The following LTBP1 variants were observed in gnomAD, a reference collection of about 807,000 sequenced individuals.
LTBP1 encodes latent-transforming growth factor beta-binding protein 1.
In LTBP1, 129 loss-of-function variants were observed where a neutral mutation model predicts 207.6. The ratio of observed to expected loss-of-function variants is 0.62; its 90% CI spans 0.54 to 0.72. The LOEUF is 0.72. LTBP1 is among the 30% of genes least tolerant of loss of function. The pLI is 0.00. For missense variants in LTBP1, 2,281 were observed against 2,217.2 expected (o/e 1.03, Z -0.58); for synonymous variants, 963 against 833.7 (o/e 1.16, Z -2.67).
chr2:33,377,846 G>A (rs1305745132), intron 31 of LTBP1, among the ~76,000 whole-genome samples: 1 of 152,156 alleles, frequency 6.6e-6, no homozygotes, highest in Non-Finnish European at 1.5e-5. Context: ...CGACAGGACA[G>A]AAGGAGAGAA....
intron 7 of LTBP1, among the ~76,000 whole-genome samples, chr2:33,194,985 G>A (rs1222402748): frequency 1.3e-5 from 2 of 152,182 alleles, no homozygotes; most frequent in African/African-American, 4.8e-5. Flanking sequence ...AGCAAAGCCC[G>A]GATGACGGCA....
chr2:32,947,433 G>T lies in LTBP1; in HGVS notation c.109G>T (p.Gly37Cys). The T allele has an allele frequency of 6.9e-7, 1 of 1,441,342 alleles. No homozygotes were observed. The highest frequency in any genetic ancestry group is 9.1e-7 in the Non-Finnish European group (1 of 1,099,816). The allele number at this position is 1,441,342 out of a possible 1,614,324, so 89.3% of individuals were successfully genotyped here. A position where few individuals can be genotyped will look rare whatever the true frequency, so the allele number is the denominator to read the frequency against. Residue 37 changes from glycine (G) to cysteine (C), a missense_variant, in exon 1 of 34, where the codon GGC becomes TGC. Gly to Cys is a radical substitution (Grantham distance 159, BLOSUM62 -3). This residue lies in a region of LTBP1 where 555 missense variants were observed against 491.0 expected (regional missense o/e 1.13). Coordinates refer to ENST00000404816, the MANE Select transcript of LTBP1 (RefSeq NM_206943.4). ...RITYVVHPGP[G>C]LAAGALPLSG... ...CACCTACGTGGTGCACCCGGGCCCCGGCCTGGCAGCCGGCGCCTTGCCCCT... is the reference window on the plus strand; with the variant it reads ...CACCTACGTGGTGCACCCGGGCCCCTGCCTGGCAGCCGGCGCCTTGCCCCT...
chr2:32,999,869 T>A (rs1328880183), intron 2 of LTBP1, among the ~76,000 whole-genome samples: 2 of 133,182 alleles, frequency 1.5e-5, no homozygotes, highest in Admixed American at 7.7e-5. Context: ...TGTGTGTGTG[T>A]GAGAGATCGA....
intron 5 of LTBP1, among the ~76,000 whole-genome samples, chr2:33,138,346 T>G (rs1467103266): frequency 1.3e-5 from 2 of 152,222 alleles, no homozygotes; most frequent in African/African-American, 2.4e-5. Flanking sequence ...ACTCTGAGAT[T>G]CTAGAAGAGC....
chr2:32,966,026 T>G (rs1679950708), intron 2 of LTBP1, among the ~76,000 whole-genome samples: 1 of 152,196 alleles, frequency 6.6e-6, no homozygotes, highest in African/African-American at 2.4e-5. Context: ...TTTTGGCCAT[T>G]CTAATAGTTA....
intron 4 of LTBP1, among the ~76,000 whole-genome samples, chr2:33,111,512 G>A (rs1224827032): frequency 2.0e-5 from 3 of 152,194 alleles, no homozygotes; most frequent in Non-Finnish European, 4.4e-5. Flanking sequence ...TGCCAGTTGT[G>A]AGGTGGGAAA....
chr2:32,965,193 C>T (rs188552272), intron 2 of LTBP1, among the ~76,000 whole-genome samples: 1 of 152,206 alleles, frequency 6.6e-6, no homozygotes, highest in Admixed American at 6.5e-5. Flanking sequence ...TTTAAATAGA[C>T]TTTTGAGAGA....
At chr2:33,038,895 A>T (rs1198237590) in intron 3 of LTBP1, among the ~76,000 whole-genome samples, 1 of 152,092 alleles carries the variant, frequency 6.6e-6, no homozygotes, top group African/African-American at 2.4e-5. Context: ...GATGTGTAGG[A>T]TCCTCTGGGG....
intron 2 of LTBP1, among the ~76,000 whole-genome samples, chr2:32,958,876 C>G (rs1678529253): frequency 6.6e-6 from 1 of 152,182 alleles, no homozygotes; most frequent in South Asian, 2.1e-4. Context: ...TCTGGCATGG[C>G]CCAAACTTTG....
chr2:33,282,468 A>C (rs2093579447), intron 19 of LTBP1, among the ~76,000 whole-genome samples: 1 of 152,186 alleles, frequency 6.6e-6, no homozygotes, highest in Non-Finnish European at 1.5e-5. Context: ...ATAGTAGTAG[A>C]GCTTTCAAAT....
At chr2:33,061,132 C>T (rs945419912) in intron 3 of LTBP1, among the ~76,000 whole-genome samples, 1 of 151,974 alleles carries the variant, frequency 6.6e-6, no homozygotes, top group Non-Finnish European at 1.5e-5. Flanking sequence ...GGAAAGACTT[C>T]TTTTTTCTAA....
At chr2:33,177,616 C>T (rs6543695) in intron 5 of LTBP1, among the ~76,000 whole-genome samples, 11,935 of 151,192 alleles carry the variant, frequency 0.079, 990 homozygotes, top group African/African-American at 0.21. Context: ...TGCGGTGAGC[C>T]GAGATCACAC....
intron 2 of LTBP1, among the ~76,000 whole-genome samples, chr2:32,969,822 T>C (rs1186962642): frequency 6.6e-6 from 1 of 152,182 alleles, no homozygotes; most frequent in Non-Finnish European, 1.5e-5. Flanking sequence ...GGTAGCTCTG[T>C]TTTAAGTTCT....
At chr2:33,397,441 C>A (rs2095368937) in intron 33 of LTBP1, among the ~76,000 whole-genome samples, 159 bp downstream of exon 33, 1 of 151,750 alleles carries the variant, frequency 6.6e-6, no homozygotes, top group Non-Finnish European at 1.5e-5. Flanking sequence ...ATACTTAATG[C>A]CACTGGACTA....
At chr2:33,198,775 T>G (rs1201337947) in intron 7 of LTBP1, among the ~76,000 whole-genome samples, 1 of 152,210 alleles carries the variant, frequency 6.6e-6, no homozygotes, top group Non-Finnish European at 1.5e-5. Context: ...TGCGTCTATT[T>G]GATTCTCCTC....
intron 9 of LTBP1, among the ~76,000 whole-genome samples, chr2:33,242,134 T>A (rs1172670696): frequency 1.3e-5 from 2 of 152,214 alleles, no homozygotes; most frequent in Non-Finnish European, 2.9e-5. Flanking sequence ...AATATGTACG[T>A]ATAGATCACG....
At chr2:33,121,313 A>G (rs780629755) in intron 4 of LTBP1, among the ~76,000 whole-genome samples, 2 of 152,050 alleles carry the variant, frequency 1.3e-5, no homozygotes, top group Non-Finnish European at 2.9e-5. Flanking sequence ...TTAAATATGC[A>G]GTGTTTTGTG....
intron 8 of LTBP1, among the ~76,000 whole-genome samples, chr2:33,220,263 C>G (rs1265071697): frequency 6.6e-6 from 1 of 152,202 alleles, no homozygotes; most frequent in East Asian, 1.9e-4. Flanking sequence ...GGACTCCTCT[C>G]TAAATCATAT....
rs543845637 is a variant in LTBP1 at position 33,105,125 on chromosome 2, C to G, written c.864-5457C>G. 4.6e-5 allele frequency among the ~76,000 whole-genome samples: 7 copies of G among 152,186 alleles called. No homozygotes were observed. The East Asian group carries it at 1.4e-3, about 29-fold the overall frequency. Reference sequence around the variant, plus strand: ...GAAGACTTAGCTTATTTACTTCACCCCCTGTCCACCAGCCTTCCTCCCAAA... The same window carrying G: ...GAAGACTTAGCTTATTTACTTCACCGCCTGTCCACCAGCCTTCCTCCCAAA... On this transcript the variant is annotated intron_variant, in intron 3 of 33. Transcript: ENST00000404816.
Sources: gnomAD v4.1 joint callset for allele counts (sites outside exome capture counted in the v4.1 genomes callset) on GRCh38, gnomAD v4.1.1 for gene constraint, gnomAD v4.1.1 regional missense constraint, MANE v1.5 for transcripts, NCBI Gene and HGNC (gene_info 2026-07-23, HGNC 2026-07-21) for gene names.